Variants in SLC35A1 observed in about 807,000 individuals in gnomAD.
SLC35A1 encodes CMP-sialic acid transporter.
A neutral mutation model predicts 40.3 loss-of-function variants in SLC35A1; 21 were observed. That is an observed-to-expected ratio of 0.52 (90% CI 0.37 to 0.75). SLC35A1 has a LOEUF of 0.75. SLC35A1 is among the 30% of genes least tolerant of loss of function. SLC35A1 has a pLI of 0.00. For synonymous variants in SLC35A1, 146 were observed against 147.3 expected (o/e 0.99, Z 0.06); for missense variants, 297 against 382.1 (o/e 0.78, Z 1.86).
chr6:87,493,013 C>T (rs1769600189), intron 2 of SLC35A1, among the ~76,000 whole-genome samples: 1 of 152,190 alleles, frequency 6.6e-6, no homozygotes, highest in Non-Finnish European at 1.5e-5. Context: ...TGGTCTGATA[C>T]TGTTGTCAAA....
At chr6:87,501,336 C>G in intron 4 of SLC35A1, 26 bp downstream of exon 4, 1 of 1,606,702 alleles carries the variant, frequency 6.2e-7, no homozygotes, top group Non-Finnish European at 8.5e-7. Context: ...CACACCATAA[C>G]TTCCCATAAA....
chr6:87,496,117 T>A (rs1769717979), intron 2 of SLC35A1: 1 of 152,162 alleles, frequency 6.6e-6, no homozygotes, highest in Admixed American at 6.5e-5. Context: ...TCCTAGTAGT[T>A]CTTGTTAGAT....
In SLC35A1 at chr6:87,486,577, TA is replaced by T. The variant is rs1769397700; in HGVS notation, c.194+9040del. ...TTGGAGAACCAAATATTATAATAAATAATAAATAGGTGATGTTATGAGGGAA... is the reference window on the plus strand; with the variant it reads ...TTGGAGAACCAAATATTATAATAAATATAAATAGGTGATGTTATGAGGGAA... On this transcript the variant is annotated intron_variant, in intron 2 of 7. Coordinates refer to ENST00000369552, the MANE Select transcript of SLC35A1 (RefSeq NM_006416.5). 2.0e-5 allele frequency among the ~76,000 whole-genome samples: 3 copies of T among 152,070 alleles called. No homozygotes were observed. In the South Asian group the frequency reaches 6.2e-4, roughly 32 times the overall value.
At chr6:87,509,327 C>A in intron 7 of SLC35A1, 152 bp downstream of exon 7, 2 of 1,021,448 alleles carry the variant, frequency 2.0e-6, no homozygotes, top group Non-Finnish European at 3.0e-6. Flanking sequence ...TACAGCTGTT[C>A]ATAGTTGTGT....
At chr6:87,507,110 C>T (rs1344198498) in intron 5 of SLC35A1, 3 of 152,252 alleles carry the variant, frequency 2.0e-5, no homozygotes, top group Non-Finnish European at 4.4e-5. Flanking sequence ...ATAGTTCCAG[C>T]AGAGATTTAG....
At chr6:87,495,247 G>C (rs896378771) in intron 2 of SLC35A1, among the ~76,000 whole-genome samples, 1 of 152,142 alleles carries the variant, frequency 6.6e-6, no homozygotes, top group African/African-American at 2.4e-5. Context: ...GGTGTGAGCC[G>C]CTGCGCCAGC....
chr6:87,501,136 T>C lies in SLC35A1; in HGVS notation c.355-22T>C. ...AGAGACTAACATTAACTGAATTTAT[T>C]AATTCATTCTCTTTTTTTTAGGTGA... On this transcript the variant is annotated intron_variant, in intron 3 of 7. Coordinates refer to ENST00000369552, the MANE Select transcript of SLC35A1 (RefSeq NM_006416.5). 1.9e-6 allele frequency: 3 copies of C among 1,560,034 alleles called. 1 individual carries two copies. The highest frequency in any genetic ancestry group is 4.5e-5 in the East Asian group (2 of 44,630).
chr6:87,478,698 A>G (rs903198880), intron 2 of SLC35A1, among the ~76,000 whole-genome samples: 2 of 152,222 alleles, frequency 1.3e-5, no homozygotes, highest in African/African-American at 4.8e-5. Context: ...AAAGGCTTAT[A>G]CTAATCCACT....
intron 2 of SLC35A1, among the ~76,000 whole-genome samples, chr6:87,497,114 T>C (rs1201586522): frequency 1.3e-5 from 2 of 152,184 alleles, no homozygotes; most frequent in African/African-American, 4.8e-5. Flanking sequence ...TTCCCACATA[T>C]TCTTTCCAAT....
intron 2 of SLC35A1, among the ~76,000 whole-genome samples, chr6:87,489,733 G>A (rs1179991950): frequency 6.6e-6 from 1 of 151,574 alleles, no homozygotes; most frequent in East Asian, 1.9e-4. Flanking sequence ...GTAGAGACAG[G>A]GTTTCACCAT....
intron 2 of SLC35A1, among the ~76,000 whole-genome samples, chr6:87,499,814 T>A (rs1168297462): frequency 2.0e-5 from 3 of 152,074 alleles, no homozygotes; most frequent in Admixed American, 1.3e-4. Context: ...TATTGTAATT[T>A]AAAAAAAACT....
intron 2 of SLC35A1, among the ~76,000 whole-genome samples, chr6:87,479,243 C>T (rs1006212462): frequency 2.6e-5 from 4 of 152,174 alleles, no homozygotes; most frequent in African/African-American, 9.7e-5. Context: ...CTTTAACATG[C>T]CTTGGCTTAG....
chr6:87,507,428 A>G (rs746348034), intron 5 of SLC35A1, among the ~76,000 whole-genome samples: 62 of 152,286 alleles, frequency 4.1e-4, no homozygotes, highest in Non-Finnish European at 7.5e-4. Context: ...TATGTCCAAC[A>G]TTTTATTAGT....
chr6:87,506,051 T>C (rs529615441), intron 4 of SLC35A1, among the ~76,000 whole-genome samples: 11 of 152,328 alleles, frequency 7.2e-5, no homozygotes, highest in Admixed American at 5.9e-4. Context: ...AGAGTGATAA[T>C]AGAAATTAAA....
At chr6:87,480,528 T>C (rs1242938999) in intron 2 of SLC35A1, among the ~76,000 whole-genome samples, 1 of 152,252 alleles carries the variant, frequency 6.6e-6, no homozygotes, top group Admixed American at 6.5e-5. Flanking sequence ...TTTCTACTAC[T>C]GAGACCTTGC....
chr6:87,484,551 G>T (rs778376756), intron 2 of SLC35A1, among the ~76,000 whole-genome samples: 1 of 152,100 alleles, frequency 6.6e-6, no homozygotes, highest in Admixed American at 6.5e-5. Context: ...AACTAATTCC[G>T]ATTGGCTAAT....
chr6:87,503,181 A>C (rs1194280497), intron 4 of SLC35A1, among the ~76,000 whole-genome samples: 1 of 152,034 alleles, frequency 6.6e-6, no homozygotes, highest in Admixed American at 6.6e-5. Context: ...CTTACTGAAC[A>C]TATCATCTCT....
At position 87,472,993 on chromosome 6, in the gene SLC35A1, G is replaced by A; in HGVS notation, c.-11G>A. On this transcript the variant is annotated 5_prime_UTR_variant, in exon 1 of 8. Coordinates refer to ENST00000369552, the MANE Select transcript of SLC35A1 (RefSeq NM_006416.5). ...GCGGGCGTCAGTTCCGCGGGGGGCTGTCGGGGAACCATGGCTGCCCCGAGA... is the reference window on the plus strand; with the variant it reads ...GCGGGCGTCAGTTCCGCGGGGGGCTATCGGGGAACCATGGCTGCCCCGAGA... 1 of 675,456 alleles carries A rather than the reference G, an allele frequency of 1.5e-6. No individual in the cohort carries two copies. Among genetic ancestry groups the A allele is most frequent in the South Asian group, 2.6e-5 (1 of 37,870 alleles). 41.8% of individuals were successfully genotyped at this position (675,456 alleles called of 1,614,324 possible). A position where few individuals can be genotyped will look rare whatever the true frequency, so the allele number is the denominator to read the frequency against.
Position 87,500,536 on chromosome 6 carries a change from G to A in SLC35A1, c.223G>A (p.Ala75Thr), listed in dbSNP as rs146145372. ...AACTGGTAGTCTGGGTAGATTCAAA[G>A]CATCTTTAAGAGAAAATGTCTTGGG... ...KETGSLGRFK[A>T]SLRENVLGSP... is the part of the protein sequence containing the mutation. The change falls in exon 3 of 8, where the codon GCA (alanine) becomes ACA (threonine). Residue 75 changes from alanine (A) to threonine (T), a missense_variant. Coordinates refer to ENST00000369552, the MANE Select transcript of SLC35A1 (RefSeq NM_006416.5). The A allele has an allele frequency of 6.8e-6, 11 of 1,614,014 alleles. No individual in the cohort carries two copies. Among genetic ancestry groups the A allele is most frequent in the Non-Finnish European group, 9.3e-6 (11 of 1,179,962 alleles).
Sources: gnomAD v4.1 joint callset for allele counts (sites outside exome capture counted in the v4.1 genomes callset) on GRCh38, gnomAD v4.1.1 for gene constraint, MANE v1.5 for transcripts, NCBI Gene and HGNC (gene_info 2026-07-23, HGNC 2026-07-21) for gene names.